Variants in RSPH3 observed in about 807,000 individuals in gnomAD.
RSPH3 encodes radial spoke head protein 3 homolog.
A neutral mutation model predicts 43.8 loss-of-function variants in RSPH3; 21 were observed. The ratio of observed to expected loss-of-function variants is 0.48; its 90% CI spans 0.34 to 0.69. RSPH3 has a LOEUF of 0.69. Ranked by LOEUF, RSPH3 falls within the 30% of genes least tolerant of loss-of-function variation. The pLI is 0.01. For synonymous variants in RSPH3, 173 were observed against 179.8 expected (o/e 0.96, Z 0.30); for missense variants, 487 against 516.0 (o/e 0.94, Z 0.54).
intron 2 of RSPH3, among the ~76,000 whole-genome samples, chr6:158,993,611 C>T (rs1778490787): frequency 1.3e-5 from 2 of 152,116 alleles, no homozygotes; most frequent in South Asian, 2.1e-4. Flanking sequence ...TGAAACTCTA[C>T]ACTCATTAAA....
intron 7 of RSPH3, 48 bp from the exon 8 acceptor site, chr6:158,977,896 A>G (rs770348990): frequency 3.4e-6 from 5 of 1,466,666 alleles, no homozygotes; most frequent in African/African-American, 2.8e-5. Flanking sequence ...ATATTATGGT[A>G]TATTTCAGGA....
downstream of RSPH3, among the ~76,000 whole-genome samples, chr6:158,969,729 A>G (rs1777673279): frequency 6.6e-6 from 1 of 152,236 alleles, no homozygotes; most frequent in Non-Finnish European, 1.5e-5. Context: ...GGATTATCTC[A>G]ATGGACTTAA....
At chr6:158,999,266 T>TG (rs1167364157) in intron 1 of RSPH3, among the ~76,000 whole-genome samples, 169 bp downstream of exon 1, 2,699 of 152,296 alleles carry the variant, frequency 0.018, 34 homozygotes, top group Middle Eastern at 0.024. Flanking sequence ...CCTTCCTGCT[T>TG]CACTCCTCCA....
intron 1 of RSPH3, among the ~76,000 whole-genome samples, chr6:158,996,249 T>A (rs1778590961): frequency 6.6e-6 from 1 of 152,242 alleles, no homozygotes; most frequent in South Asian, 2.1e-4. Context: ...GGGAATGTCA[T>A]TATCACAATT....
chr6:158,991,329 T>C (rs1010774511), intron 2 of RSPH3, among the ~76,000 whole-genome samples: 1 of 152,196 alleles, frequency 6.6e-6, no homozygotes, highest in African/African-American at 2.4e-5. Context: ...TTGGATTCTA[T>C]TTAATTTTTC....
At position 158,977,809 on chromosome 6, in the gene RSPH3, T is replaced by C. The variant is rs1293078263; in HGVS notation, c.986A>G (p.Tyr329Cys). The change falls in exon 8 of 8, where the codon TAT becomes TGT. Residue 329 changes from tyrosine to cysteine, a missense_variant. Transcript: ENST00000367069. ...REVVEKRLCMYEHGEDTHQSP... is the reference protein window; with the variant it reads ...REVVEKRLCMCEHGEDTHQSP... Reference sequence around the variant, plus strand: ...CTGATGTGTGTCTTCCCCATGCTCATACATACACAGCCTCTTTTCAACCAC... The same window carrying C: ...CTGATGTGTGTCTTCCCCATGCTCACACATACACAGCCTCTTTTCAACCAC... 15 of 1,613,898 alleles carry C rather than the reference T, an allele frequency of 9.3e-6. No homozygotes were observed. Among genetic ancestry groups the C allele is most frequent in the Non-Finnish European group, 1.3e-5 (15 of 1,179,954 alleles).
chr6:158,999,269 C>CTTGCAT, intron 1 of RSPH3, among the ~76,000 whole-genome samples, 166 bp downstream of exon 1: 1 of 152,258 alleles, frequency 6.6e-6, no homozygotes, highest in Non-Finnish European at 1.5e-5. Flanking sequence ...TCCTGCTTCA[C>CTTGCAT]TCCTCCACAC....
chr6:158,980,734 T>G (rs751873358), intron 6 of RSPH3, 40 bp downstream of exon 6: 1 of 1,508,880 alleles, frequency 6.6e-7, no homozygotes, highest in Admixed American at 1.7e-5. Context: ...AAGAGGATGC[T>G]TATTACAACA....
At chr6:158,997,271 C>CT (rs35951023) in intron 1 of RSPH3, among the ~76,000 whole-genome samples, 89,239 of 128,990 alleles carry the variant, frequency 0.69, 31,518 homozygotes, top group East Asian at 0.89. Flanking sequence ...CTCCTGAACA[C>CT]TTTTTTTTTT....
rs1778429743 is a variant in RSPH3 at position 158,992,107 on chromosome 6, G to A, written c.204+1732C>T. Reference sequence around the variant, plus strand: ...CTCATTCTGGGAACATACCTTAGGTGGGTTCTTCACATCCCTCATTTGACA... The same window carrying A: ...CTCATTCTGGGAACATACCTTAGGTAGGTTCTTCACATCCCTCATTTGACA... On this transcript the variant is annotated intron_variant, in intron 2 of 7. Coordinates refer to ENST00000367069, the MANE Select transcript of RSPH3 (RefSeq NM_031924.8). Among the ~76,000 whole-genome samples, 8 of 144,068 alleles carry A rather than the reference G, an allele frequency of 5.6e-5. No homozygotes were observed. The South Asian group carries it at 1.7e-3, about 32-fold the overall frequency. 94.5% of individuals were successfully genotyped at this position (144,068 alleles called of 152,430 possible).
chr6:158,977,969 T>G, intron 7 of RSPH3, 121 bp from the exon 8 acceptor site: 4 of 816,888 alleles, frequency 4.9e-6, no homozygotes, highest in Non-Finnish European at 7.6e-6. Flanking sequence ...CTTTCCTATG[T>G]CATAACCTTT....
At chr6:158,984,404 T>C (rs1778144105) in intron 3 of RSPH3, among the ~76,000 whole-genome samples, 2 of 129,520 alleles carry the variant, frequency 1.5e-5, no homozygotes, top group Admixed American at 9.2e-5. Flanking sequence ...GTGTATAAGA[T>C]GCAGAGTACA....
rs776355208 is a variant in RSPH3 at position 158,999,554 on chromosome 6, CG to C, written c.-5del. The C allele has an allele frequency of 6.2e-6, 10 of 1,605,120 alleles. No individual in the cohort carries two copies. In the East Asian group the frequency reaches 2.0e-4, roughly 32 times the overall value. On this transcript the variant is annotated 5_prime_UTR_variant, in exon 1 of 8. Coordinates refer to ENST00000367069, the MANE Select transcript of RSPH3 (RefSeq NM_031924.8). ...GATCAGTCAGCGCTGAGGCCATGTC[CG>C]GGGGCTGACTGCCTCGCTTTCGGTG...
intron 2 of RSPH3, chr6:158,988,413 A>G (rs1032532897): frequency 6.6e-6 from 1 of 152,168 alleles, no homozygotes; most frequent in African/African-American, 2.4e-5. Context: ...GTACCTGGAT[A>G]TCTATCTCTT....
chr6:158,980,162 G>A (rs926437272), intron 6 of RSPH3, among the ~76,000 whole-genome samples: 2 of 152,108 alleles, frequency 1.3e-5, no homozygotes, highest in African/African-American at 2.4e-5. Flanking sequence ...GGCTGGGCAC[G>A]AGTGGCTCAC....
chr6:158,993,800 T>C, intron 2 of RSPH3, 39 bp downstream of exon 2: 1 of 1,098,254 alleles, frequency 9.1e-7, no homozygotes, highest in East Asian at 2.5e-5. Flanking sequence ...CCATAGATAA[T>C]GTGAGAACAC....
rs1268142382 is a variant in RSPH3 at position 158,999,955 on chromosome 6, C to T, written c.-405G>A. ...GCGAGGTTCCTGGCTAGGGAGGCGG[C>T]CTTGGCTGGCTTGACCGTCATCCTT... On this transcript the variant is annotated 5_prime_UTR_variant, in exon 1 of 8. Transcript: ENST00000367069. 3 of 1,601,852 alleles carry T rather than the reference C, an allele frequency of 1.9e-6. No homozygotes were observed. In the Admixed American group the frequency reaches 5.1e-5, roughly 27 times the overall value.
At chr6:158,981,016 G>T in intron 5 of RSPH3, 80 bp from the exon 6 acceptor site, 1 of 1,365,418 alleles carries the variant, frequency 7.3e-7, no homozygotes, top group Non-Finnish European at 1.0e-6. Context: ...GTAAGTACAA[G>T]AATCCAGACT....
At chr6:158,970,005 T>C (rs542298017), downstream of RSPH3, among the ~76,000 whole-genome samples, 5 of 152,306 alleles carry the variant, frequency 3.3e-5, no homozygotes, top group African/African-American at 1.2e-4. Flanking sequence ...AAATCTGGAC[T>C]TCCTTGGGAA....
Sources: allele counts gnomAD v4.1 joint callset (sites outside exome capture counted in the v4.1 genomes callset), GRCh38; gene constraint gnomAD v4.1.1; transcripts MANE v1.5; gene names NCBI Gene and HGNC (gene_info 2026-07-23, HGNC 2026-07-21).